Variants in PM20D2 observed in about 807,000 individuals in gnomAD.
PM20D2 encodes the protein xaa-Arg dipeptidase.
In PM20D2, 33 loss-of-function variants were observed where a neutral mutation model predicts 42.9. That is an observed-to-expected ratio of 0.77 (90% CI 0.58 to 1.03). PM20D2 has a LOEUF of 1.03. Among genes scored for constraint, PM20D2 ranks in the 50% least tolerant of loss-of-function variants. The pLI is 0.00. For missense variants in PM20D2, 548 were observed against 557.0 expected, an observed-to-expected ratio of 0.98 and a Z score of 0.16; for synonymous variants, 250 against 228.2, an observed-to-expected ratio of 1.10 and a Z score of -0.86.
At chr6:89,100,206 G>T in the PM20D2 span, among the ~76,000 whole-genome samples, 2 of 152,126 alleles carry the variant, frequency 1.3e-5, no homozygotes, top group African/African-American at 2.4e-5. Flanking sequence ...GCAAAAAACC[G>T]GAATTCAGAA....
Position 89,161,896 on chromosome 6 carries a change from T to C in PM20D2, c.1156+6T>C, listed in dbSNP as rs748887920. 1.3e-6 allele frequency: 2 copies of C among 1,594,250 alleles called. No homozygotes were observed. The highest frequency in any genetic ancestry group is 1.7e-6 in the Non-Finnish European group (2 of 1,162,308). On this transcript the variant is annotated splice_donor_region_variant and intron_variant, in intron 6 of 6. Coordinates refer to ENST00000275072, the MANE Select transcript of PM20D2 (RefSeq NM_001010853.3). ...ACAGTACACTGAAGCTGCTGGTAAG[T>C]GTTGTTGGATGTGACTGTTTTGGCA...
the PM20D2 span, among the ~76,000 whole-genome samples, chr6:89,122,475 CT>C: frequency 1.3e-5 from 2 of 152,294 alleles, no homozygotes; most frequent in East Asian, 1.9e-4. Flanking sequence ...GTTGAATAAG[CT>C]TTTCTTCCAT....
the PM20D2 span, among the ~76,000 whole-genome samples, chr6:89,112,419 T>C: frequency 5.9e-5 from 9 of 151,646 alleles, no homozygotes; most frequent in African/African-American, 2.2e-4. Flanking sequence ...CCAAATTAAT[T>C]TCTTTCTAGT....
chr6:89,142,415 C>T (rs925595281), upstream of PM20D2, among the ~76,000 whole-genome samples: 2 of 152,300 alleles, frequency 1.3e-5, no homozygotes, highest in East Asian at 3.9e-4. Context: ...TGATTTGCTT[C>T]TTCTCCATGC....
chr6:89,101,171 G>A, the PM20D2 span, among the ~76,000 whole-genome samples: 15 of 150,070 alleles, frequency 1.0e-4, no homozygotes, highest in South Asian at 2.5e-3. Flanking sequence ...ACATCCTACC[G>A]AAATACAGTG....
At chr6:89,102,246 C>T in the PM20D2 span, among the ~76,000 whole-genome samples, 363 of 151,972 alleles carry the variant, frequency 2.4e-3, 4 homozygotes, top group African/African-American at 8.0e-3. Flanking sequence ...CGGGTTCAAG[C>T]GATTCTCCTG....
intron 5 of PM20D2, among the ~76,000 whole-genome samples, chr6:89,161,414 G>T (rs565577137): frequency 2.6e-4 from 39 of 152,306 alleles, no homozygotes; most frequent in African/African-American, 8.7e-4. Context: ...GGTAGAGGGG[G>T]CTCTATCCCC....
At chr6:89,132,283 C>T in the PM20D2 span, among the ~76,000 whole-genome samples, 8 of 151,906 alleles carry the variant, frequency 5.3e-5, no homozygotes, top group South Asian at 2.1e-4. Flanking sequence ...AAGAATGGGC[C>T]GTTCCCTTCC....
At chr6:89,146,030 G>A, upstream of PM20D2, 1 of 945,384 alleles carries the variant, frequency 1.1e-6, no homozygotes, top group South Asian at 2.7e-5. Flanking sequence ...GAGCTGTGTG[G>A]CCGCGTGCGC....
At chr6:89,139,265 G>A in the PM20D2 span, among the ~76,000 whole-genome samples, 1 of 151,988 alleles carries the variant, frequency 6.6e-6, no homozygotes, top group Non-Finnish European at 1.5e-5. Context: ...TGAGAAGATG[G>A]GGTCTTGCTG....
In PM20D2 at chr6:89,146,334, C is replaced by T; in HGVS notation, c.190C>T (p.His64Tyr). ...GCACCATGCCCACCGCGTGCTGACG[C>T]ACTTCTTCGAGCGGGAGCCGCCCGC... ...EEHHAHRVLT[H>Y]FFEREPPAAS... is the part of the protein sequence containing the mutation. The change falls in exon 1 of 7, where the codon CAC (histidine) becomes TAC (tyrosine). Residue 64 changes from histidine to tyrosine, a missense_variant. Transcript: ENST00000275072. The T allele has an allele frequency of 6.4e-7, 1 of 1,571,200 alleles. No individual in the cohort carries two copies. Among genetic ancestry groups the T allele is most frequent in the East Asian group, 2.3e-5 (1 of 43,580 alleles).
chr6:89,138,440 T>C, the PM20D2 span, among the ~76,000 whole-genome samples: 11 of 152,296 alleles, frequency 7.2e-5, no homozygotes, highest in South Asian at 2.3e-3. Flanking sequence ...TTTACTTTTC[T>C]GAAATGGTAA....
chr6:89,156,688 G>A (rs1771059749), intron 4 of PM20D2, among the ~76,000 whole-genome samples: 1 of 152,066 alleles, frequency 6.6e-6, no homozygotes, highest in Non-Finnish European at 1.5e-5. Flanking sequence ...GTGGAAGACT[G>A]TAGACCTGAA....
At chr6:89,094,554 A>C in the PM20D2 span, among the ~76,000 whole-genome samples, 9,424 of 152,198 alleles carry the variant, frequency 0.062, 843 homozygotes, top group African/African-American at 0.2. Flanking sequence ...CCTATTTACT[A>C]GTTTATAAAC....
chr6:89,104,255 G>A, the PM20D2 span, among the ~76,000 whole-genome samples: 13 of 76,344 alleles, frequency 1.7e-4, no homozygotes, highest in African/African-American at 8.1e-4. Flanking sequence ...TTTTTGTTTT[G>A]AGACGGAGTC....
the PM20D2 span, among the ~76,000 whole-genome samples, chr6:89,139,033 A>G: frequency 1.3e-5 from 2 of 152,178 alleles, no homozygotes; most frequent in Non-Finnish European, 2.9e-5. Flanking sequence ...GTTGACATAG[A>G]AAACTTAATA....
At chr6:89,098,542 A>G in the PM20D2 span, 2 of 1,553,732 alleles carry the variant, frequency 1.3e-6, no homozygotes, top group South Asian at 1.2e-5. Flanking sequence ...TTAATAACTT[A>G]TATTAAAGAC....
chr6:89,152,999 G>A (rs1294033397), intron 2 of PM20D2, 44 bp from the exon 3 acceptor site: 3 of 1,486,540 alleles, frequency 2.0e-6, no homozygotes, highest in Middle Eastern at 1.9e-4. Context: ...TCTTACTTTA[G>A]CAATAATAAC....
At chr6:89,105,076 CAGAAAAAGT>C in the PM20D2 span, 1 of 1,543,044 alleles carries the variant, frequency 6.5e-7, no homozygotes, top group Non-Finnish European at 8.8e-7. Context: ...ATCTATTTCC[CAGAAAAAGT>C]AGAAAATGAA....
Sources: gnomAD v4.1 joint callset for allele counts (sites outside exome capture counted in the v4.1 genomes callset) on GRCh38, gnomAD v4.1.1 for gene constraint, MANE v1.5 for transcripts, NCBI Gene and HGNC (gene_info 2026-07-23, HGNC 2026-07-21) for gene names.